The following PIEZO2 variants were observed in gnomAD, a reference collection of about 807,000 sequenced individuals.
The protein encoded by PIEZO2 is piezo type mechanosensitive ion channel component 2.
In PIEZO2, 172 loss-of-function variants were observed where a neutral mutation model predicts 337.3. That is an observed-to-expected ratio of 0.51 (90% CI 0.45 to 0.58). PIEZO2 has a LOEUF of 0.58. PIEZO2 is among the 20% of genes least tolerant of loss of function. The pLI, the probability that PIEZO2 is intolerant of heterozygous loss-of-function variation, is 0.00. For missense variants in PIEZO2, 3,028 were observed against 3,391.3 expected, an observed-to-expected ratio of 0.89 and a Z score of 2.66; for synonymous variants, 1,251 against 1,228.5, an observed-to-expected ratio of 1.02 and a Z score of -0.38.
rs2041602478 is a variant in PIEZO2, at chr18:10,853,079, A to G, written c.917+2274T>C. Reference sequence around the variant, plus strand: ...GGTAAAATGGCGGAGTTTAACTGGTACATGACCTTGTAGGAGCATTCGGTG... The same window carrying G: ...GGTAAAATGGCGGAGTTTAACTGGTGCATGACCTTGTAGGAGCATTCGGTG... On this transcript the variant is annotated intron_variant, in intron 7 of 55. Transcript: ENST00000674853. The surrounding 1 kb of genome is among the most constrained non-coding windows in gnomAD (Gnocchi z 4.2). Among the ~76,000 whole-genome samples, 1 of 152,224 alleles carries G rather than the reference A, an allele frequency of 6.6e-6. No homozygotes were observed. The highest frequency in any genetic ancestry group is 2.1e-4 in the South Asian group (1 of 4,834).
chr18:10,784,928 G>T lies in PIEZO2; in HGVS notation c.2348C>A (p.Thr783Asn). Residue 783 changes from threonine to asparagine, a missense_variant, in exon 17 of 56, where the codon ACT becomes AAT. Transcript: ENST00000674853. The surrounding 1 kb of genome is among the most constrained non-coding windows in gnomAD (Gnocchi z 4.5). ...TATGCGAGTGAATAGTTCAGCCACA[G>T]TAAACTGCTTTAAGCCAAGATCCTC... is the stretch of plus-strand genomic sequence containing the variant. ...KLEDLGLKQF[T>N]VAELFTRIFI... 1 of 1,536,990 alleles carries T rather than the reference G, an allele frequency of 6.5e-7. No homozygotes were observed. Among genetic ancestry groups the T allele is most frequent in the Non-Finnish European group, 8.7e-7 (1 of 1,146,742 alleles).
intron 17 of PIEZO2, among the ~76,000 whole-genome samples, chr18:10,782,210 A>G (rs868570770): frequency 1.5e-5 from 2 of 134,178 alleles, no homozygotes; most frequent in South Asian, 4.3e-4. Context: ...ATATCATATA[A>G]TTATATATAT....
chr18:10,941,412 A>G (rs189447889), intron 3 of PIEZO2, among the ~76,000 whole-genome samples: 41 of 152,322 alleles, frequency 2.7e-4, no homozygotes, highest in Admixed American at 2.3e-3. Flanking sequence ...TTGGGACCCT[A>G]AAGGGTTGCT....
At position 10,736,592 on chromosome 18, in the gene PIEZO2, C is replaced by T; in HGVS notation, c.4815+12G>A. 1 of 1,536,798 alleles carries T rather than the reference C, an allele frequency of 6.5e-7. No homozygotes were observed. The highest frequency in any genetic ancestry group is 8.7e-7 in the Non-Finnish European group (1 of 1,146,758). On this transcript the variant is annotated intron_variant, in intron 34 of 55. Coordinates refer to ENST00000674853, the MANE Select transcript of PIEZO2 (RefSeq NM_001378183.1). ...TTCCAACTAGCAAAGAAATGATTTT[C>T]CCCATAATTACCTGGAATGCTGACC...
chr18:10,981,281 T>C lies in PIEZO2; in HGVS notation c.161-1621A>G, dbSNP rs911956717. Among the ~76,000 whole-genome samples, 4 of 152,142 alleles carry C rather than the reference T, an allele frequency of 2.6e-5. No homozygotes were observed. The East Asian group carries it at 7.7e-4, about 29-fold the overall frequency. ...TTTTTTGTTCTTTCATAGTGACATA[T>C]AAAATAATGGCATCTTATGTAACAC... On this transcript the variant is annotated intron_variant, in intron 2 of 55. Transcript: ENST00000674853.
chr18:10,759,425 T>A lies in PIEZO2; in HGVS notation c.3757+57A>T. 1 of 1,409,898 alleles carries A rather than the reference T, an allele frequency of 7.1e-7. No individual in the cohort carries two copies. Among genetic ancestry groups the A allele is most frequent in the Non-Finnish European group, 9.7e-7 (1 of 1,033,200 alleles). The allele number at this position is 1,409,898 out of a possible 1,614,324, so 87.3% of individuals were successfully genotyped here. A position where few individuals can be genotyped will look rare whatever the true frequency, so the allele number is the denominator to read the frequency against. ...GCACTAATGCATAGCACGTGAACAA[T>A]GATTAACAGTAAACCCGGATACCAG... On this transcript the variant is annotated intron_variant, in intron 26 of 55. Transcript: ENST00000674853. The surrounding 1 kb of genome is among the most constrained non-coding windows in gnomAD (Gnocchi z 5.5).
chr18:10,908,472 A>C (rs1489667834), intron 4 of PIEZO2: 1 of 152,256 alleles, frequency 6.6e-6, no homozygotes, highest in Admixed American at 6.5e-5. Context: ...TATAATTGGA[A>C]TTTCCCTTTA....
chr18:10,755,634 C>T (rs955765917), intron 27 of PIEZO2, among the ~76,000 whole-genome samples: 5 of 152,186 alleles, frequency 3.3e-5, no homozygotes, highest in African/African-American at 9.7e-5. Context: ...AGCACAAATA[C>T]TGTGAGGGAA....
chr18:10,960,587 C>A (rs1439061882), intron 3 of PIEZO2, among the ~76,000 whole-genome samples: 2 of 151,102 alleles, frequency 1.3e-5, no homozygotes, highest in African/African-American at 4.9e-5. Flanking sequence ...TGGGTGGGCA[C>A]CTATTTTTAC....
chr18:10,780,594 CT>C (rs1485889854), intron 17 of PIEZO2, among the ~76,000 whole-genome samples: 1 of 151,292 alleles, frequency 6.6e-6, no homozygotes, highest in East Asian at 1.9e-4. Flanking sequence ...GATAACAAGC[CT>C]CTCCCTTCTT....
At chr18:10,818,481 T>G (rs2040429129) in intron 7 of PIEZO2, among the ~76,000 whole-genome samples, 1 of 152,198 alleles carries the variant, frequency 6.6e-6, no homozygotes, top group African/African-American at 2.4e-5. Context: ...TGATTTACTC[T>G]AGATGAATTC....
At chr18:11,039,703 T>C (rs1045722883) in intron 2 of PIEZO2, among the ~76,000 whole-genome samples, 1 of 151,746 alleles carries the variant, frequency 6.6e-6, no homozygotes, top group Non-Finnish European at 1.5e-5. Context: ...GTCATCCTAT[T>C]AACCTATATA....
At chr18:10,708,173 A>G (rs2035663997) in intron 40 of PIEZO2, 102 bp downstream of exon 40, 1 of 152,360 alleles carries the variant, frequency 6.6e-6, no homozygotes, top group South Asian at 2.1e-4. Context: ...TAAAATAAAA[A>G]TGAAATAAAA....
chr18:11,058,613 A>G (rs543795064), intron 2 of PIEZO2, among the ~76,000 whole-genome samples: 1 of 152,344 alleles, frequency 6.6e-6, no homozygotes, highest in South Asian at 2.1e-4. Flanking sequence ...AAGGCAGGAG[A>G]ACTATGTGAT....
At chr18:11,081,365 T>C (rs746192217) in intron 1 of PIEZO2, among the ~76,000 whole-genome samples, 5 of 152,186 alleles carry the variant, frequency 3.3e-5, no homozygotes, top group Non-Finnish European at 7.3e-5. Context: ...ACTTATCGCA[T>C]GAGTCCCAGT....
intron 47 of PIEZO2, among the ~76,000 whole-genome samples, chr18:10,695,565 G>A (rs887880574): frequency 5.3e-5 from 8 of 152,192 alleles, no homozygotes; most frequent in African/African-American, 1.2e-4. Flanking sequence ...TTCAAACCTC[G>A]CTGCAGTTAA....
chr18:11,080,181 C>T lies in PIEZO2; in HGVS notation c.65-13959G>A, dbSNP rs1266309205. ...AATAACAGACTATTAACAGTAGTTG[C>T]TTCTAAGAAGAACTGAAGGGAAAAC... On this transcript the variant is annotated intron_variant, in intron 1 of 55. Coordinates refer to ENST00000674853, the MANE Select transcript of PIEZO2 (RefSeq NM_001378183.1). The surrounding 1 kb of genome is among the most constrained non-coding windows in gnomAD (Gnocchi z 5.4). Among the ~76,000 whole-genome samples, 1 of 152,188 alleles carries T rather than the reference C, an allele frequency of 6.6e-6. No individual in the cohort carries two copies. The highest frequency in any genetic ancestry group is 2.4e-5 in the African/African-American group (1 of 41,438).
rs1235390833 is a variant in PIEZO2, at chr18:10,834,634, T to C, written c.917+20719A>G. Among the ~76,000 whole-genome samples the C allele has an allele frequency of 2.0e-5, 3 of 152,176 alleles. No individual in the cohort carries two copies. Among genetic ancestry groups the C allele is most frequent in the African/African-American group, 4.8e-5 (2 of 41,444 alleles). ...CTCTGATTTCATGAGGTAGGTATCA[T>C]GTAAGCAACTGTAGGAAGAAGAAGC... On this transcript the variant is annotated intron_variant, in intron 7 of 55. Coordinates refer to ENST00000674853, the MANE Select transcript of PIEZO2 (RefSeq NM_001378183.1). This position sits in a 1 kb window ranked among gnomAD's most constrained non-coding sequence, Gnocchi z 4.5.
At chr18:10,949,269 G>A (rs1007737463) in intron 3 of PIEZO2, among the ~76,000 whole-genome samples, 9 of 152,184 alleles carry the variant, frequency 5.9e-5, no homozygotes, top group African/African-American at 2.2e-4. Context: ...TATGAGTGAT[G>A]AGTCTATGTA....
Sources: allele counts gnomAD v4.1 joint callset (sites outside exome capture counted in the v4.1 genomes callset), GRCh38; gene constraint gnomAD v4.1.1; non-coding constraint Gnocchi (gnomAD v3.1); transcripts MANE v1.5; gene names NCBI Gene and HGNC (gene_info 2026-07-23, HGNC 2026-07-21).